Variants in DNER observed in about 807,000 individuals in gnomAD.
The protein encoded by DNER is delta and Notch-like epidermal growth factor-related receptor.
In DNER, 33 loss-of-function variants were observed where a neutral mutation model predicts 78.2. That is an observed-to-expected ratio of 0.42 (90% CI 0.32 to 0.56). The LOEUF (loss-of-function observed/expected upper bound fraction) is 0.56, where lower values mean the gene tolerates loss of function less well. DNER is among the 20% of genes least tolerant of loss of function. The pLI, the probability that DNER is intolerant of heterozygous loss-of-function variation, is 0.11. For missense variants in DNER, 918 were observed against 975.3 expected (o/e 0.94, Z 0.78); for synonymous variants, 417 against 384.8 (o/e 1.08, Z -0.98).
chr2:229,603,841 C>T (rs1559179921), intron 1 of DNER, among the ~76,000 whole-genome samples: 2 of 152,006 alleles, frequency 1.3e-5, no homozygotes, highest in Admixed American at 6.6e-5. Flanking sequence ...CTACCATATA[C>T]ACATATCTGA....
At chr2:229,435,184 G>A (rs1482802029) in intron 8 of DNER, among the ~76,000 whole-genome samples, 5 of 152,220 alleles carry the variant, frequency 3.3e-5, no homozygotes, top group South Asian at 4.2e-4. Flanking sequence ...TGCTGCTTTC[G>A]GAACCCTACA....
chr2:229,491,663 C>T (rs960022607), intron 6 of DNER, among the ~76,000 whole-genome samples: 2 of 152,158 alleles, frequency 1.3e-5, no homozygotes, highest in African/African-American at 2.4e-5. Context: ...AATCCTATTC[C>T]CATTTTTCTT....
At chr2:229,628,849 G>T (rs1698389535) in intron 1 of DNER, among the ~76,000 whole-genome samples, 2 of 152,146 alleles carry the variant, frequency 1.3e-5, no homozygotes. Context: ...ACTACCCCTG[G>T]TCTAGCCTCT....
chr2:229,654,152 C>A (rs373820809), intron 1 of DNER, among the ~76,000 whole-genome samples: 101 of 148,874 alleles, frequency 6.8e-4, no homozygotes, highest in African/African-American at 2.2e-3. Context: ...GTGTGATGTT[C>A]CCCACCCTGT....
intron 5 of DNER, among the ~76,000 whole-genome samples, chr2:229,517,913 T>C (rs1574881332): frequency 6.6e-6 from 1 of 152,224 alleles, no homozygotes; most frequent in Non-Finnish European, 1.5e-5. Flanking sequence ...GTAAGAACCC[T>C]GGCTTGGTGT....
At chr2:229,612,028 G>A (rs1441778612) in intron 1 of DNER, among the ~76,000 whole-genome samples, 1 of 152,142 alleles carries the variant, frequency 6.6e-6, no homozygotes, top group African/African-American at 2.4e-5. Context: ...GTGGATTAAG[G>A]CATTAGTTGC....
At chr2:229,387,500 A>AG (rs1212189865) in intron 11 of DNER, among the ~76,000 whole-genome samples, 27 of 105,802 alleles carry the variant, frequency 2.6e-4, no homozygotes, top group African/African-American at 8.4e-4. Context: ...AGAAAGAAAG[A>AG]AAGAAAGAGA....
chr2:229,713,266 T>C (rs1421949632), intron 1 of DNER, among the ~76,000 whole-genome samples: 1 of 152,238 alleles, frequency 6.6e-6, no homozygotes. Flanking sequence ...TTGATGTTAA[T>C]AGGTTTCACA....
chr2:229,530,036 A>G (rs775678051), intron 5 of DNER, among the ~76,000 whole-genome samples: 2 of 152,142 alleles, frequency 1.3e-5, no homozygotes, highest in Non-Finnish European at 2.9e-5. Flanking sequence ...AATAGAAAAG[A>G]AAAATGAAAA....
intron 1 of DNER, among the ~76,000 whole-genome samples, chr2:229,648,247 C>G (rs1472817407): frequency 5.3e-5 from 8 of 152,194 alleles, no homozygotes; most frequent in Admixed American, 1.3e-4. Flanking sequence ...GTACCAGGAT[C>G]ATGTTTGCAA....
At chr2:229,422,984 C>A (rs1312721729) in intron 8 of DNER, among the ~76,000 whole-genome samples, 1 of 152,058 alleles carries the variant, frequency 6.6e-6, no homozygotes, top group Non-Finnish European at 1.5e-5. Context: ...GCAAGAATGA[C>A]CACTGGACTA....
At chr2:229,395,663 C>G (rs905239311) in intron 10 of DNER, among the ~76,000 whole-genome samples, 84 of 152,184 alleles carry the variant, frequency 5.5e-4, no homozygotes, top group African/African-American at 2.0e-3. Flanking sequence ...CTTTGGGAGG[C>G]TGAGGAGGGC....
chr2:229,615,009 A>G (rs1698125504), intron 1 of DNER, among the ~76,000 whole-genome samples: 2 of 152,218 alleles, frequency 1.3e-5, no homozygotes, highest in Admixed American at 6.5e-5. Context: ...CATTCTTAGA[A>G]GGGTAAATGG....
chr2:229,707,564 C>T (rs1574578272), intron 1 of DNER, among the ~76,000 whole-genome samples: 1 of 152,154 alleles, frequency 6.6e-6, no homozygotes, highest in East Asian at 1.9e-4. Context: ...CCCACAGCTG[C>T]ACCCCACTAA....
intron 1 of DNER, among the ~76,000 whole-genome samples, chr2:229,655,216 G>C (rs1453891670): frequency 1.3e-5 from 2 of 151,084 alleles, no homozygotes; most frequent in Non-Finnish European, 3.0e-5. Context: ...GTGCAATCAA[G>C]AACGACCACC....
At chr2:229,516,510 C>T (rs978258527) in intron 5 of DNER, among the ~76,000 whole-genome samples, 3 of 152,052 alleles carry the variant, frequency 2.0e-5, no homozygotes, top group Non-Finnish European at 2.9e-5. Flanking sequence ...TATAAGTACA[C>T]GGAAATGTAC....
At chr2:229,503,724 T>C (rs1695673974) in intron 6 of DNER, among the ~76,000 whole-genome samples, 1 of 152,148 alleles carries the variant, frequency 6.6e-6, no homozygotes, top group Non-Finnish European at 1.5e-5. Context: ...TTTTGAGTTA[T>C]ACATACTTTT....
intron 7 of DNER, among the ~76,000 whole-genome samples, chr2:229,450,798 C>T (rs1292239035): frequency 4.6e-5 from 7 of 152,222 alleles, no homozygotes; most frequent in African/African-American, 1.7e-4. Flanking sequence ...CCTGAGCTTC[C>T]AGCCTCCAGA....
intron 1 of DNER, among the ~76,000 whole-genome samples, chr2:229,599,690 G>C (rs145971002): frequency 8.6e-5 from 13 of 152,018 alleles, no homozygotes; most frequent in African/African-American, 2.2e-4. Flanking sequence ...CTATCATGAA[G>C]GAAGAAATGT....
Sources: gnomAD v4.1 joint callset for allele counts (sites outside exome capture counted in the v4.1 genomes callset) on GRCh38, gnomAD v4.1.1 for gene constraint, MANE v1.5 for transcripts, NCBI Gene and HGNC (gene_info 2026-07-23, HGNC 2026-07-21) for gene names.